The following RNF130 variants were observed in gnomAD, a reference collection of about 807,000 sequenced individuals.
The protein encoded by RNF130 is E3 ubiquitin-protein ligase RNF130.
RNF130 carries 21 observed loss-of-function variants against 44.6 expected under a neutral mutation model. The observed-to-expected ratio is 0.47, with a 90% CI of 0.33 to 0.68. The LOEUF (loss-of-function observed/expected upper bound fraction) is 0.68. Ranked by LOEUF, RNF130 falls within the 30% of genes least tolerant of loss-of-function variation. The pLI is 0.02. For synonymous variants in RNF130, 214 were observed against 210.4 expected (o/e 1.02, Z -0.15); for missense variants, 479 against 560.6 (o/e 0.85, Z 1.47).
At chr5:180,000,983 G>A (rs2113058378) in intron 3 of RNF130, among the ~76,000 whole-genome samples, 1 of 152,240 alleles carries the variant, frequency 6.6e-6, no homozygotes, top group South Asian at 2.1e-4. Flanking sequence ...TGCATCTGGT[G>A]GAACAATCAC....
In RNF130 at chr5:179,921,217, G is replaced by T. The variant is rs149745382; in HGVS notation, c.1151-791C>A. Among the ~76,000 whole-genome samples the T allele has an allele frequency of 2.8e-3, 423 of 152,180 alleles. 3 individuals carry two copies. Among genetic ancestry groups the T allele is most frequent in the East Asian group, 6.6e-3 (34 of 5,182 alleles). ...CCAGTGACACCGACACCACCATCAA[G>T]ATAACGAACATATCCATTACCCCAA... On this transcript the variant is annotated intron_variant, in intron 7 of 7. Transcript: ENST00000522208.
In RNF130 at chr5:179,955,118, G is replaced by C. The variant is rs931325739; in HGVS notation, c.*536C>G. Reference sequence around the variant, plus strand: ...CTTACGATGTGCAAAGCACTCTGTTGGGTGCAGGGGCACAGTGGGGAGCAA... The same window carrying C: ...CTTACGATGTGCAAAGCACTCTGTTCGGTGCAGGGGCACAGTGGGGAGCAA... On this transcript the variant is annotated 3_prime_UTR_variant, in exon 9 of 9. Transcript: ENST00000521389. The C allele has an allele frequency of 2.0e-5, 3 of 152,426 alleles. No individual in the cohort carries two copies. The highest frequency in any genetic ancestry group is 2.0e-4 in the Admixed American group (3 of 15,280). 9.4% of individuals were successfully genotyped at this position (152,426 alleles called of 1,614,324 possible).
intron 1 of RNF130, among the ~76,000 whole-genome samples, chr5:180,054,155 T>G (rs1190512797): frequency 1.3e-5 from 2 of 152,282 alleles, no homozygotes; most frequent in Admixed American, 6.5e-5. Flanking sequence ...TTACCTATTT[T>G]TACTTCATTT....
chr5:179,945,244 A>C (rs1475923507), intron 7 of RNF130, among the ~76,000 whole-genome samples: 1 of 152,128 alleles, frequency 6.6e-6, no homozygotes, highest in East Asian at 1.9e-4. Context: ...CACTACGATG[A>C]GCAAGGCTCA....
In RNF130 at chr5:179,976,049, G is replaced by A. The variant is rs370270273; in HGVS notation, c.848+2154C>T. Among the ~76,000 whole-genome samples the A allele has an allele frequency of 9.9e-5, 15 of 152,246 alleles. No homozygotes were observed. The South Asian group carries it at 1.0e-3, about 11-fold the overall frequency. Reference sequence around the variant, plus strand: ...CTAAATTTTAAAAAGAGGGCCAGACGTCAGGCTCATGCCTGTGATCCCAGC... The same window carrying A: ...CTAAATTTTAAAAAGAGGGCCAGACATCAGGCTCATGCCTGTGATCCCAGC... On this transcript the variant is annotated intron_variant, in intron 5 of 8. Transcript: ENST00000521389.
chr5:179,992,491 G>A (rs1763108059), intron 3 of RNF130, among the ~76,000 whole-genome samples: 1 of 152,162 alleles, frequency 6.6e-6, no homozygotes, highest in Admixed American at 6.5e-5. Context: ...CCTTCAATGA[G>A]TATTTCATTT....
chr5:179,976,458 C>G (rs747487184), intron 5 of RNF130, among the ~76,000 whole-genome samples: 1 of 152,212 alleles, frequency 6.6e-6, no homozygotes, highest in Non-Finnish European at 1.5e-5. Flanking sequence ...TGACGCCTCC[C>G]TGTGTCCCGC....
intron 2 of RNF130, among the ~76,000 whole-genome samples, chr5:180,019,662 T>C (rs1763828411): frequency 6.6e-6 from 1 of 152,208 alleles, no homozygotes; most frequent in Non-Finnish European, 1.5e-5. Context: ...ACAGATACAT[T>C]CTACATTCTT....
chr5:180,057,970 G>C (rs771101632), intron 1 of RNF130, among the ~76,000 whole-genome samples: 2 of 152,112 alleles, frequency 1.3e-5, no homozygotes, highest in Non-Finnish European at 2.9e-5. Context: ...TGGGGTCTGC[G>C]CTAACTTTAC....
exon 8 of RNF130, chr5:179,918,957 A>G (rs1308774603): frequency 6.6e-6 from 1 of 152,244 alleles, no homozygotes; most frequent in Non-Finnish European, 1.5e-5. Context: ...TATATTCCAC[A>G]GTCAGTGAGA....
At chr5:179,933,669 G>C (rs1249240919) in intron 7 of RNF130, 1 of 302,572 alleles carries the variant, frequency 3.3e-6, no homozygotes, top group Non-Finnish European at 6.3e-6. Context: ...CCACAGTCAC[G>C]CTCCACCATG....
intron 3 of RNF130, among the ~76,000 whole-genome samples, chr5:179,998,132 C>A (rs7448914): frequency 0.14 from 21,317 of 152,272 alleles, 1,798 homozygotes; most frequent in Non-Finnish European, 0.19. Context: ...AGCCACTGTG[C>A]TTGGCCTGTT....
At chr5:179,937,106 C>CGAAATATCATCAAAAT (rs1761899994) in intron 7 of RNF130, among the ~76,000 whole-genome samples, 1 of 149,000 alleles carries the variant, frequency 6.7e-6, no homozygotes, top group African/African-American at 2.6e-5. Context: ...ATCATTAAAA[C>CGAAATATCATCAAAAT]GAAATATCAT....
rs4009657 is a variant in RNF130 at position 179,977,425 on chromosome 5, CAGGAA to C, written c.848+773_848+777del. 0.16 allele frequency: 24,091 copies of C among 152,218 alleles called. 2,025 individuals are homozygous for C. Among genetic ancestry groups the C allele is most frequent in the Admixed American group, 0.19 (2,891 of 15,290 alleles). 9.4% of individuals were successfully genotyped at this position (152,218 alleles called of 1,614,324 possible). A position where few individuals can be genotyped will look rare whatever the true frequency, so the allele number is the denominator to read the frequency against. Reference sequence around the variant, plus strand: ...AACAAGGGGCTGTTTTTGAAACCCACAGGAATCACAAAACAATGCCAAGCACAGTG... The same window carrying C: ...AACAAGGGGCTGTTTTTGAAACCCACTCACAAAACAATGCCAAGCACAGTG... On this transcript the variant is annotated intron_variant, in intron 5 of 8. Transcript: ENST00000521389. The surrounding 1 kb of genome is among the most constrained non-coding windows in gnomAD (Gnocchi z 4.1).
rs1448838595 is a variant in RNF130 at position 179,966,954 on chromosome 5, G to A, written c.1002C>T (p.Thr334=). The A allele has an allele frequency of 1.9e-6, 3 of 1,614,112 alleles. No homozygotes were observed. The African/African-American group carries it at 4.0e-5, about 22-fold the overall frequency. ...VAFDMERLTR[T]QAVNRRSALG... Reference sequence around the variant, plus strand: ...GGGCTGATCTTCGGTTAACAGCTTGGGTTCTGGTGAGCCTTTCCATATCGA... The same window carrying A: ...GGGCTGATCTTCGGTTAACAGCTTGAGTTCTGGTGAGCCTTTCCATATCGA... Residue 334 remains threonine (T), a synonymous_variant, in exon 7 of 9, where the codon ACC becomes ACT. Coordinates refer to ENST00000521389, the MANE Select transcript of RNF130 (RefSeq NM_018434.6).
At chr5:179,946,340 C>T (rs929029921) in intron 7 of RNF130, among the ~76,000 whole-genome samples, 1 of 152,196 alleles carries the variant, frequency 6.6e-6, no homozygotes, top group East Asian at 1.9e-4. Flanking sequence ...GGAGGGCCCG[C>T]GTCAGGCCCC....
chr5:179,954,868 A>T (rs752342352), downstream of RNF130, among the ~76,000 whole-genome samples: 1 of 152,278 alleles, frequency 6.6e-6, no homozygotes, highest in African/African-American at 2.4e-5. Context: ...ACAAATACTG[A>T]AAATCCTTCA....
intron 2 of RNF130, among the ~76,000 whole-genome samples, chr5:180,026,937 G>A (rs890349853): frequency 1.3e-5 from 2 of 152,290 alleles, no homozygotes; most frequent in East Asian, 3.9e-4. Context: ...AAAGGAAAAG[G>A]ACAATACTGT....
In RNF130 at chr5:179,980,132, G is replaced by A; in HGVS notation, c.762C>T (p.Asp254=). The part of the protein sequence containing the change: ...KLTTRTVKKG[D]KETDPDFDHC... ...TGAAGTTGTTTCATGACTGTACCTT[G>A]TCACCCTTCTTTACTGTCCTGGTTG... Residue 254 remains aspartate (D), a synonymous_variant, in exon 4 of 9, where the codon GAC becomes GAT. Transcript: ENST00000521389. 6.2e-7 allele frequency: 1 copy of A among 1,613,780 alleles called. No individual in the cohort carries two copies.
Sources: gnomAD v4.1 joint callset for allele counts (sites outside exome capture counted in the v4.1 genomes callset) on GRCh38, gnomAD v4.1.1 for gene constraint, Gnocchi (gnomAD v3.1) non-coding constraint, MANE v1.5 for transcripts, NCBI Gene and HGNC (gene_info 2026-07-23, HGNC 2026-07-21) for gene names.